NIPA1: variants seen among roughly 807,000 people sequenced by gnomAD.
NIPA1 encodes the protein magnesium transporter NIPA1.
Under a neutral mutation model 23.9 loss-of-function variants are expected in NIPA1, and 13 were observed. The observed-to-expected ratio is 0.54, with a 90% CI of 0.35 to 0.87. NIPA1 has a LOEUF of 0.87. NIPA1 is among the 40% of genes least tolerant of loss of function. The probability of loss-of-function intolerance (pLI) is 0.01; values close to 1 mark genes in which losing one functional copy is unlikely to be tolerated. For synonymous variants in NIPA1, 234 were observed against 202.9 expected (o/e 1.15, Z -1.30); for missense variants, 362 against 429.7 (o/e 0.84, Z 1.39).
intron 1 of NIPA1, 29 bp from the exon 2 acceptor site, chr15:22,810,720 T>C: frequency 1.3e-6 from 2 of 1,500,834 alleles, no homozygotes; most frequent in South Asian, 2.3e-5. Context: ...AACCCACTTT[T>C]CTGACATTTT....
At position 22,786,734 on chromosome 15, in the gene NIPA1, C is replaced by G; in HGVS notation, c.78C>G (p.Ala26=). The G allele has an allele frequency of 7.9e-7, 1 of 1,263,942 alleles. No individual in the cohort carries two copies. Among genetic ancestry groups the G allele is most frequent in the Admixed American group, 2.5e-5 (1 of 40,488 alleles). The allele number at this position is 1,263,942 out of a possible 1,614,324, so 78.3% of individuals were successfully genotyped here. A position where few individuals can be genotyped will look rare whatever the true frequency, so the allele number is the denominator to read the frequency against. ...AGEGARSPSP[A]AVSLGLGVAV... ...AGGGGGCGCGTAGCCCGAGCCCCGC[C>G]GCCGTGTCGCTCGGCCTGGGCGTGG... The change falls in exon 1 of 5, where the codon GCC becomes GCG. Residue 26 remains alanine (A), a synonymous_variant. Transcript: ENST00000337435.
intron 1 of NIPA1, among the ~76,000 whole-genome samples, chr15:22,798,238 C>CTT (rs10582336): frequency 3.0e-3 from 370 of 124,872 alleles, no homozygotes; most frequent in Non-Finnish European, 5.1e-3. Context: ...TGCTAAAAAT[C>CTT]TTTTTTTTTT....
chr15:22,795,073 G>A (rs1057209773), intron 1 of NIPA1, among the ~76,000 whole-genome samples: 4 of 152,080 alleles, frequency 2.6e-5, no homozygotes, highest in African/African-American at 9.7e-5. Context: ...TTTATGAAAG[G>A]ATTTCGGAGC....
rs749414711 is a variant in NIPA1 at position 22,786,677 on chromosome 15, A to G, written c.21A>G (p.Ala7=). The G allele has an allele frequency of 3.2e-4, 347 of 1,071,576 alleles. No homozygotes were observed. Among genetic ancestry groups the G allele is most frequent in the South Asian group, 5.3e-4 (14 of 26,508 alleles). 66.4% of individuals were successfully genotyped at this position (1,071,576 alleles called of 1,614,324 possible). The change falls in exon 1 of 5, where the codon GCA becomes GCG. Residue 7 remains alanine, a synonymous_variant. Coordinates refer to ENST00000337435, the MANE Select transcript of NIPA1 (RefSeq NM_144599.5). ...GCGGAATGGGGACTGCAGCTGCGGC[A>G]GCGGCGGCGGCGGCGGCGGCGGCGG... MGTAAA[A]AAAAAAAAAG...
At chr15:22,789,364 G>C (rs1045731360) in intron 1 of NIPA1, among the ~76,000 whole-genome samples, 7 of 152,104 alleles carry the variant, frequency 4.6e-5, no homozygotes, top group Non-Finnish European at 1.0e-4. Context: ...ACATTGCATG[G>C]TGTTAGGCTT....
At chr15:22,813,306 TA>T (rs1337319922) in intron 3 of NIPA1, among the ~76,000 whole-genome samples, 3 of 152,154 alleles carry the variant, frequency 2.0e-5, no homozygotes, top group Non-Finnish European at 4.4e-5. Context: ...TTTATTTTTT[TA>T]ATTTTATTTC....
chr15:22,808,679 C>CTTTTTTTTTTTTTTTTTTTTTT lies in NIPA1; in HGVS notation c.179-2062_179-2061insTTTTTTTTTTTTTTTTTTTTTT, dbSNP rs59983551. Among the ~76,000 whole-genome samples, 2 of 128,338 alleles carry CTTTTTTTTTTTTTTTTTTTTTT rather than the reference C, an allele frequency of 1.6e-5. 1 individual carries two copies. 84.2% of individuals were successfully genotyped at this position (128,338 alleles called of 152,430 possible). On this transcript the variant is annotated intron_variant, in intron 1 of 4. Transcript: ENST00000337435. Reference sequence around the variant, plus strand: ...TGTGATGTGATCAAATAGCAATATTCTTTTTTTTGAGACAGTGTCTCACTC... The same window carrying CTTTTTTTTTTTTTTTTTTTTTT: ...TGTGATGTGATCAAATAGCAATATTCTTTTTTTTTTTTTTTTTTTTTTTTTTTTTTGAGACAGTGTCTCACTC...
At chr15:22,786,558 TC>T, upstream of NIPA1, 1 of 249,726 alleles carries the variant, frequency 4.0e-6, no homozygotes, top group South Asian at 1.4e-4. Flanking sequence ...CCCCCACCCG[TC>T]CCCCTCCCCT....
chr15:22,824,300 T>G lies in NIPA1; in HGVS notation c.*61T>G. On this transcript the variant is annotated 3_prime_UTR_variant, in exon 5 of 5. Coordinates refer to ENST00000337435, the MANE Select transcript of NIPA1 (RefSeq NM_144599.5). This position sits in a 1 kb window ranked among gnomAD's most constrained non-coding sequence, Gnocchi z 4.1. ...CATTGGAGGTGGTTTCTGGCCGTGA[T>G]TGGATGTGAAGTAGAAGAGGTCCTC... is the stretch of plus-strand genomic sequence containing the variant. 2 of 1,401,804 alleles carry G rather than the reference T, an allele frequency of 1.4e-6. No homozygotes were observed. The highest frequency in any genetic ancestry group is 2.3e-5 in the East Asian group (1 of 43,912). The allele number at this position is 1,401,804 out of a possible 1,614,324, so 86.8% of individuals were successfully genotyped here. A position where few individuals can be genotyped will look rare whatever the true frequency, so the allele number is the denominator to read the frequency against.
chr15:22,793,615 A>G (rs6606831), intron 1 of NIPA1, among the ~76,000 whole-genome samples: 105,093 of 151,358 alleles, frequency 0.69, 37,111 homozygotes, highest in East Asian at 0.91. Flanking sequence ...TAATTTTCCT[A>G]TCTTTAGTAG....
chr15:22,815,577 C>T (rs987780809), intron 3 of NIPA1, among the ~76,000 whole-genome samples: 5 of 151,990 alleles, frequency 3.3e-5, no homozygotes, highest in African/African-American at 1.2e-4. Flanking sequence ...GACATTGAAC[C>T]ACTGCTCCAG....
intron 1 of NIPA1, among the ~76,000 whole-genome samples, chr15:22,787,635 A>G (rs1254514813): frequency 2.6e-5 from 4 of 152,196 alleles, no homozygotes; most frequent in Admixed American, 2.0e-4. Flanking sequence ...CGGTTTGCCA[A>G]TGCAGGATAT....
chr15:22,814,085 G>A (rs550124979), intron 3 of NIPA1: 2 of 1,279,314 alleles, frequency 1.6e-6, no homozygotes, highest in South Asian at 1.2e-5. Flanking sequence ...ATCTGCAGGT[G>A]TTACTCACTG....
At chr15:22,823,636 C>G (rs1015899349) in intron 4 of NIPA1, 92 bp from the exon 5 acceptor site, 2 of 1,359,836 alleles carry the variant, frequency 1.5e-6, no homozygotes, top group Non-Finnish European at 2.0e-6. Flanking sequence ...TGGCGGGTGG[C>G]GGGTGGGGGC....
At chr15:22,791,495 TTTTTG>T (rs1369774549) in intron 1 of NIPA1, among the ~76,000 whole-genome samples, 2 of 131,412 alleles carry the variant, frequency 1.5e-5, no homozygotes, top group African/African-American at 3.1e-5. Context: ...TTTTTTTTTT[TTTTTG>T]TGAGACGGAG....
intron 1 of NIPA1, among the ~76,000 whole-genome samples, chr15:22,806,545 T>TGCTTAGGGTGAAACTGTGAAGAAA (rs1895217061): frequency 1.2e-5 from 1 of 80,174 alleles, no homozygotes; most frequent in Non-Finnish European, 2.0e-5. Context: ...GTGCTGCAGC[T>TGCTTAGGGTGAAACTGTGAAGAAA]CCCTGTTGTT....
chr15:22,827,958 G>T lies in NIPA1; in HGVS notation c.*3719G>T, dbSNP rs1895684216. On this transcript the variant is annotated 3_prime_UTR_variant, in exon 5 of 5. Coordinates refer to ENST00000337435, the MANE Select transcript of NIPA1 (RefSeq NM_144599.5). ...AGAGAGTACTCCGGTGGTTCCCAGA[G>T]CCCCTCCCGTTGTGCCGCTTCGACC... is the stretch of plus-strand genomic sequence containing the variant. 1 of 152,072 alleles carries T rather than the reference G, an allele frequency of 6.6e-6. No homozygotes were observed. Among genetic ancestry groups the T allele is most frequent in the Non-Finnish European group, 1.5e-5 (1 of 68,016 alleles). The allele number at this position is 152,072 out of a possible 1,614,324, so 9.4% of individuals were successfully genotyped here.
chr15:22,788,179 G>A (rs1290687504), intron 1 of NIPA1, among the ~76,000 whole-genome samples: 5 of 152,038 alleles, frequency 3.3e-5, no homozygotes, highest in African/African-American at 7.2e-5. Flanking sequence ...GCGTAAGCAT[G>A]AGGAAAACAC....
At chr15:22,788,919 TAA>T (rs199860403) in intron 1 of NIPA1, among the ~76,000 whole-genome samples, 3,042 of 78,844 alleles carry the variant, frequency 0.039, 210 homozygotes, top group African/African-American at 0.14. Context: ...GGCTCTGTCT[TAA>T]AAAAAAAAAA....
Sources: allele counts gnomAD v4.1 joint callset (sites outside exome capture counted in the v4.1 genomes callset), GRCh38; gene constraint gnomAD v4.1.1; non-coding constraint Gnocchi (gnomAD v3.1); transcripts MANE v1.5; gene names NCBI Gene and HGNC (gene_info 2026-07-23, HGNC 2026-07-21).